Variants in MARCHF3 observed in about 807,000 individuals in gnomAD.
The protein encoded by MARCHF3 is membrane associated ring-CH-type finger 3.
MARCHF3 carries 13 observed loss-of-function variants against 24.2 expected under a neutral mutation model. That is an observed-to-expected ratio of 0.54 (90% CI 0.35 to 0.85). The LOEUF (loss-of-function observed/expected upper bound fraction) is 0.85. Among genes scored for constraint, MARCHF3 ranks in the 40% least tolerant of loss-of-function variants. MARCHF3 has a pLI of 0.01. For synonymous variants in MARCHF3, 144 were observed against 137.3 expected, an observed-to-expected ratio of 1.05 and a Z score of -0.34; for missense variants, 276 against 325.0, an observed-to-expected ratio of 0.85 and a Z score of 1.16.
rs529700877 is a variant in MARCHF3 at position 127,027,364 on chromosome 5, G to A, written c.-57+2986C>T. ...CCAAGGCGATCATTGACCTCATATA[G>A]TCTGTAGTAGCCCAGCTGAGGTGCT... On this transcript the variant is annotated intron_variant, in intron 1 of 4. Transcript: ENST00000308660. Among the ~76,000 whole-genome samples, 194 of 152,278 alleles carry A rather than the reference G, an allele frequency of 1.3e-3. 1 individual carries two copies. Among genetic ancestry groups the A allele is most frequent in the African/African-American group, 4.5e-3 (187 of 41,556 alleles).
intron 3 of MARCHF3, among the ~76,000 whole-genome samples, chr5:126,913,423 T>C (rs1194357034): frequency 6.6e-6 from 1 of 152,264 alleles, no homozygotes; most frequent in African/African-American, 2.4e-5. Context: ...TGAGAAATTT[T>C]CAACTCCTTT....
chr5:126,901,696 G>A (rs571471437), intron 3 of MARCHF3, among the ~76,000 whole-genome samples: 2 of 152,088 alleles, frequency 1.3e-5, no homozygotes, highest in African/African-American at 2.4e-5. Flanking sequence ...AGCAGGGAGC[G>A]TTATGCATAT....
chr5:126,937,765 G>C lies in MARCHF3; in HGVS notation c.-56-19538C>G, dbSNP rs111684863. On this transcript the variant is annotated intron_variant, in intron 1 of 4. Transcript: ENST00000308660. ...GTTGTTTTTGGGGTGAGAGTGGGGT[G>C]AGAAGAAAGAGTAGGGAAATTCTTT... Among the ~76,000 whole-genome samples the C allele has an allele frequency of 5.9e-3, 898 of 152,270 alleles. 10 individuals carry two copies. Among genetic ancestry groups the C allele is most frequent in the African/African-American group, 0.021 (875 of 41,542 alleles).
chr5:126,951,965 G>C (rs1750255232), intron 1 of MARCHF3, among the ~76,000 whole-genome samples: 1 of 152,136 alleles, frequency 6.6e-6, no homozygotes, highest in South Asian at 2.1e-4. Flanking sequence ...ATCTGCCTCA[G>C]CCTCCCAAGT....
In MARCHF3 at chr5:126,899,031, C is replaced by A. The variant is rs185672839; in HGVS notation, c.393+15899G>T. ...TCGTGTTTTACAAGCACCAACATAA[C>A]CTTCTTCTCACATATCCATCACAGT... On this transcript the variant is annotated intron_variant, in intron 3 of 4. Transcript: ENST00000308660. 4.8e-4 allele frequency: 469 copies of A among 985,296 alleles called. 4 individuals are homozygous for A. In the African/African-American group the frequency reaches 6.8e-3, roughly 14 times the overall value. The allele number at this position is 985,296 out of a possible 1,614,324, so 61.0% of individuals were successfully genotyped here. A position where few individuals can be genotyped will look rare whatever the true frequency, so the allele number is the denominator to read the frequency against.
intron 4 of MARCHF3, among the ~76,000 whole-genome samples, chr5:126,872,341 T>C (rs1238133261): frequency 6.6e-6 from 1 of 152,180 alleles, no homozygotes; most frequent in African/African-American, 2.4e-5. Context: ...ATTACAGGCG[T>C]GAACCATGGT....
At chr5:126,990,991 G>A (rs575729778) in intron 1 of MARCHF3, among the ~76,000 whole-genome samples, 19 of 152,186 alleles carry the variant, frequency 1.2e-4, no homozygotes, top group Non-Finnish European at 2.5e-4. Context: ...ACAGTGTGGC[G>A]ATTTCTCAAG....
At chr5:126,964,688 T>A (rs972123327) in intron 1 of MARCHF3, among the ~76,000 whole-genome samples, 3 of 152,232 alleles carry the variant, frequency 2.0e-5, no homozygotes, top group African/African-American at 7.2e-5. Context: ...ACATTGCAGA[T>A]ACATCTTAAT....
intron 1 of MARCHF3, among the ~76,000 whole-genome samples, chr5:126,973,222 C>G (rs1019792949): frequency 5.9e-5 from 9 of 152,240 alleles, no homozygotes; most frequent in African/African-American, 2.2e-4. Flanking sequence ...GTTATGAATT[C>G]CAAACGCCCT....
At chr5:127,017,473 C>T (rs369292729) in intron 1 of MARCHF3, among the ~76,000 whole-genome samples, 3 of 152,092 alleles carry the variant, frequency 2.0e-5, no homozygotes, top group African/African-American at 7.2e-5. Context: ...TTGAAAATAT[C>T]GTATACCAAA....
At chr5:126,920,813 C>T (rs1749083673) in intron 1 of MARCHF3, among the ~76,000 whole-genome samples, 1 of 152,146 alleles carries the variant, frequency 6.6e-6, no homozygotes, top group Non-Finnish European at 1.5e-5. Context: ...TAAAAATATT[C>T]TAGAAGCAGA....
intron 1 of MARCHF3, among the ~76,000 whole-genome samples, chr5:126,920,958 A>G (rs1323325976): frequency 1.3e-5 from 2 of 151,904 alleles, no homozygotes; most frequent in African/African-American, 4.8e-5. Context: ...CACTGAGTTT[A>G]GCATAAAAGA....
intron 3 of MARCHF3, chr5:126,899,134 A>C (rs1222413054): frequency 1.0e-6 from 1 of 985,186 alleles, no homozygotes; most frequent in Non-Finnish European, 1.2e-6. Context: ...CAGCGTTCCT[A>C]TCTCTTCAAG....
chr5:127,024,587 T>C (rs1209323541), intron 1 of MARCHF3, among the ~76,000 whole-genome samples: 1 of 152,240 alleles, frequency 6.6e-6, no homozygotes, highest in Non-Finnish European at 1.5e-5. Flanking sequence ...ACTCAATTAG[T>C]ATTTGTTAAT....
intron 1 of MARCHF3, among the ~76,000 whole-genome samples, chr5:127,025,010 C>T (rs75804643): frequency 0.02 from 3,096 of 152,230 alleles, 74 homozygotes; most frequent in South Asian, 0.11. Context: ...AGTACTGCAA[C>T]AGTGAGCAAT....
intron 1 of MARCHF3, among the ~76,000 whole-genome samples, chr5:126,964,751 A>G (rs1048982266): frequency 6.6e-6 from 1 of 152,220 alleles, no homozygotes; most frequent in African/African-American, 2.4e-5. Context: ...GGTCAACGCC[A>G]AGTTCTGAAA....
intron 3 of MARCHF3, among the ~76,000 whole-genome samples, chr5:126,890,620 T>A (rs182544683): frequency 6.6e-6 from 1 of 152,026 alleles, no homozygotes; most frequent in South Asian, 2.1e-4. Flanking sequence ...CATGAACTCA[T>A]CATTTTTTAT....
chr5:126,942,634 A>T (rs1749871379), intron 1 of MARCHF3, among the ~76,000 whole-genome samples: 1 of 152,206 alleles, frequency 6.6e-6, no homozygotes, highest in African/African-American at 2.4e-5. Flanking sequence ...GATGTTTGAC[A>T]TCTCTATAAG....
intron 4 of MARCHF3, among the ~76,000 whole-genome samples, chr5:126,875,931 T>C (rs1230087867): frequency 6.6e-6 from 1 of 152,266 alleles, no homozygotes. Context: ...AGTATCCTAT[T>C]TGAATTTACA....
Sources: gnomAD v4.1 joint callset for allele counts (sites outside exome capture counted in the v4.1 genomes callset) on GRCh38, gnomAD v4.1.1 for gene constraint, MANE v1.5 for transcripts, NCBI Gene and HGNC (gene_info 2026-07-23, HGNC 2026-07-21) for gene names.